Variants in ERC2 observed in about 807,000 individuals in gnomAD.
ERC2 encodes ELKS/RAB6-interacting/CAST family member 2.
In ERC2, 42 loss-of-function variants were observed where a neutral mutation model predicts 114.8. That is an observed-to-expected ratio of 0.37 (90% CI 0.29 to 0.47). ERC2 has a LOEUF of 0.47. Ranked by LOEUF, ERC2 falls within the 20% of genes least tolerant of loss-of-function variation. The probability of loss-of-function intolerance (pLI) is 0.99; values close to 1 mark genes in which losing one functional copy is unlikely to be tolerated. For synonymous variants in ERC2, 454 were observed against 425.5 expected (o/e 1.07, Z -0.82); for missense variants, 939 against 1,150.7 (o/e 0.82, Z 2.66).
rs183526978 is a variant in ERC2 at position 56,203,963 on chromosome 3, C to A, written c.1075-30443G>T. ...TTGGGAGGCCGAGGCAGGTGAATCA[C>A]GAGGTCAGGAGTTCAAGACCAGCCT... On this transcript the variant is annotated intron_variant, in intron 3 of 17. Coordinates refer to ENST00000288221, the MANE Select transcript of ERC2 (RefSeq NM_015576.3). Among the ~76,000 whole-genome samples, 623 of 151,972 alleles carry A rather than the reference C, an allele frequency of 4.1e-3. 13 individuals are homozygous for A. The highest frequency in any genetic ancestry group is 0.037 in the Admixed American group (561 of 15,264).
At position 55,508,408 on chromosome 3, in the gene ERC2, C is replaced by A. The variant is rs765661566; in HGVS notation, c.*2908G>T. 1 of 152,622 alleles carries A rather than the reference C, an allele frequency of 6.6e-6. No homozygotes were observed. The highest frequency in any genetic ancestry group is 1.5e-5 in the Non-Finnish European group (1 of 68,040). The allele number at this position is 152,622 out of a possible 1,614,324, so 9.5% of individuals were successfully genotyped here. ...ACAACAAATTTATGAACTGTACATACCTTGTACATTGTTCTACTAGACACG... is the reference window on the plus strand; with the variant it reads ...ACAACAAATTTATGAACTGTACATAACTTGTACATTGTTCTACTAGACACG... On this transcript the variant is annotated 3_prime_UTR_variant, in exon 18 of 18. Transcript: ENST00000288221.
At chr3:56,413,114 G>A (rs1450796081) in intron 2 of ERC2, among the ~76,000 whole-genome samples, 2 of 152,154 alleles carry the variant, frequency 1.3e-5, no homozygotes, top group Non-Finnish European at 2.9e-5. Context: ...ATGCTGTGCT[G>A]GTGGACAGGG....
intron 2 of ERC2, among the ~76,000 whole-genome samples, chr3:56,315,581 A>G (rs924253440): frequency 1.3e-5 from 2 of 152,192 alleles, no homozygotes; most frequent in African/African-American, 4.8e-5. Context: ...TCCTAAGCAC[A>G]TAGATATATT....
At chr3:56,184,178 A>G (rs775987756) in intron 3 of ERC2, among the ~76,000 whole-genome samples, 3 of 152,110 alleles carry the variant, frequency 2.0e-5, no homozygotes, top group Non-Finnish European at 4.4e-5. Context: ...TTTAGATGTT[A>G]TGGTCCTGGA....
At chr3:55,989,519 C>T (rs2070893162) in intron 11 of ERC2, among the ~76,000 whole-genome samples, 1 of 152,040 alleles carries the variant, frequency 6.6e-6, no homozygotes, top group Non-Finnish European at 1.5e-5. Context: ...AGCAGCAATG[C>T]CTGCTCAGGA....
chr3:56,047,937 T>C (rs904803538), intron 7 of ERC2, among the ~76,000 whole-genome samples: 9 of 152,104 alleles, frequency 5.9e-5, no homozygotes, highest in Non-Finnish European at 1.2e-4. Flanking sequence ...GCTTCTATAT[T>C]ATAGGGCCCT....
chr3:56,425,925 G>A (rs1440437402), intron 2 of ERC2, among the ~76,000 whole-genome samples: 3 of 152,156 alleles, frequency 2.0e-5, no homozygotes, highest in Admixed American at 2.0e-4. Flanking sequence ...TCTCAGAGAT[G>A]GCAGCTCACA....
chr3:56,301,678 C>A (rs2055884961), intron 2 of ERC2, among the ~76,000 whole-genome samples: 1 of 150,712 alleles, frequency 6.6e-6, no homozygotes, highest in East Asian at 1.9e-4. Context: ...CTAGCCTGGG[C>A]AACATAGGGA....
At chr3:55,524,037 T>C (rs573962106) in intron 17 of ERC2, among the ~76,000 whole-genome samples, 2 of 152,176 alleles carry the variant, frequency 1.3e-5, no homozygotes, top group Non-Finnish European at 2.9e-5. Context: ...AGTTTTCTCA[T>C]CTCCAAAGTG....
intron 12 of ERC2, among the ~76,000 whole-genome samples, chr3:55,952,761 C>T (rs2149449361): frequency 6.6e-6 from 1 of 152,328 alleles, no homozygotes; most frequent in East Asian, 1.9e-4. Flanking sequence ...ATCATTTGCA[C>T]AGTGAAAGAG....
chr3:55,565,580 T>C (rs1040762026), intron 17 of ERC2, among the ~76,000 whole-genome samples: 3 of 151,472 alleles, frequency 2.0e-5, no homozygotes, highest in Admixed American at 6.6e-5. Flanking sequence ...ATCAGGACTA[T>C]CATAAACCAC....
intron 5 of ERC2, among the ~76,000 whole-genome samples, chr3:56,142,719 T>C (rs2080927634): frequency 1.3e-5 from 2 of 152,166 alleles, no homozygotes; most frequent in South Asian, 4.1e-4. Context: ...TAATTCCAAC[T>C]TTTGAAGTCT....
At chr3:56,325,740 A>G (rs1237165965) in intron 2 of ERC2, among the ~76,000 whole-genome samples, 1 of 152,144 alleles carries the variant, frequency 6.6e-6, no homozygotes, top group Non-Finnish European at 1.5e-5. Flanking sequence ...TCTTTTATGC[A>G]TTTTTCCAAG....
At position 56,311,224 on chromosome 3, in the gene ERC2, C is replaced by T. The variant is rs184933574; in HGVS notation, c.658-14789G>A. On this transcript the variant is annotated intron_variant, in intron 2 of 17. Coordinates refer to ENST00000288221, the MANE Select transcript of ERC2 (RefSeq NM_015576.3). ...ATGAAATCAGTGTTCTTGGGATATC[C>T]ATCATCTTCTCTCTCTCTCTCTCTC... Among the ~76,000 whole-genome samples the T allele has an allele frequency of 2.3e-3, 259 of 113,016 alleles. 2 individuals carry two copies. The highest frequency in any genetic ancestry group is 9.2e-3 in the African/African-American group (248 of 27,060). The allele number at this position is 113,016 out of a possible 152,430, so 74.1% of individuals were successfully genotyped here.
chr3:56,076,060 C>A (rs992083413), intron 7 of ERC2, among the ~76,000 whole-genome samples: 6 of 152,142 alleles, frequency 3.9e-5, no homozygotes, highest in African/African-American at 1.4e-4. Flanking sequence ...TCCATATACA[C>A]CACTCCCAGG....
intron 3 of ERC2, among the ~76,000 whole-genome samples, chr3:56,241,974 G>A (rs566158526): frequency 6.6e-6 from 1 of 152,252 alleles, no homozygotes; most frequent in African/African-American, 2.4e-5. Context: ...ATAATTACAA[G>A]AGACAGAATG....
chr3:55,705,411 C>T (rs893848517), intron 15 of ERC2, among the ~76,000 whole-genome samples: 2 of 152,094 alleles, frequency 1.3e-5, no homozygotes, highest in Non-Finnish European at 2.9e-5. Flanking sequence ...TGTATGTGTG[C>T]GGGCTTCCTT....
At chr3:56,000,756 A>G (rs1455160957) in intron 10 of ERC2, among the ~76,000 whole-genome samples, 5 of 152,008 alleles carry the variant, frequency 3.3e-5, no homozygotes, top group Non-Finnish European at 2.9e-5. Flanking sequence ...TTTACAAATC[A>G]CTGGCACAGG....
chr3:56,134,192 G>A (rs904704293), intron 6 of ERC2, among the ~76,000 whole-genome samples: 5 of 152,168 alleles, frequency 3.3e-5, no homozygotes, highest in East Asian at 1.9e-4. Flanking sequence ...TCAAGGGAGC[G>A]AAATATCTAT....
Sources: gnomAD v4.1 joint callset for allele counts (sites outside exome capture counted in the v4.1 genomes callset) on GRCh38, gnomAD v4.1.1 for gene constraint, MANE v1.5 for transcripts, NCBI Gene and HGNC (gene_info 2026-07-23, HGNC 2026-07-21) for gene names.